SARDH: variants seen among roughly 807,000 people sequenced by gnomAD.
SARDH encodes the protein sarcosine dehydrogenase, mitochondrial.
A neutral mutation model predicts 109.1 loss-of-function variants in SARDH; 95 were observed. The ratio of observed to expected loss-of-function variants is 0.87; its 90% CI spans 0.74 to 1.03. SARDH has a LOEUF of 1.03. Among genes scored for constraint, SARDH ranks in the 50% least tolerant of loss-of-function variants. The probability of loss-of-function intolerance (pLI) is 0.00; values close to 1 mark genes in which losing one functional copy is unlikely to be tolerated. For missense variants in SARDH, 1,267 were observed against 1,287.8 expected, an observed-to-expected ratio of 0.98 and a Z score of 0.25; for synonymous variants, 572 against 534.8, an observed-to-expected ratio of 1.07 and a Z score of -0.96.
rs2131496510 is a variant in SARDH, at chr9:133,728,164, AAG to A, written c.915+1599_915+1600del. Among the ~76,000 whole-genome samples the A allele has an allele frequency of 6.6e-6, 1 of 152,294 alleles. No homozygotes were observed. The highest frequency in any genetic ancestry group is 2.1e-4 in the South Asian group (1 of 4,824). ...GCAGTGAGAGGCTCATTCTATGAAC[AAG>A]AGGTCTTGTGTCCAGTGGGGCGTGG... On this transcript the variant is annotated intron_variant, in intron 6 of 20. Coordinates refer to ENST00000439388, the MANE Select transcript of SARDH (RefSeq NM_001134707.2). The surrounding 1 kb of genome is among the most constrained non-coding windows in gnomAD (Gnocchi z 5.0).
At position 133,732,400 on chromosome 9, in the gene SARDH, GC is replaced by G. The variant is rs749929737; in HGVS notation, c.510+22del. The G allele has an allele frequency of 1.0e-5, 8 of 763,138 alleles. No individual in the cohort carries two copies. The Admixed American group carries it at 2.2e-4, about 21-fold the overall frequency. 47.3% of individuals were successfully genotyped at this position (763,138 alleles called of 1,614,324 possible). A position where few individuals can be genotyped will look rare whatever the true frequency, so the allele number is the denominator to read the frequency against. ...CCCACCCACCCAAGCCCCCCTCCTT[GC>G]CCCCCGCAGGGGAGCACACACCGAC... On this transcript the variant is annotated intron_variant, in intron 3 of 20. Coordinates refer to ENST00000439388, the MANE Select transcript of SARDH (RefSeq NM_001134707.2).
At position 133,690,395 on chromosome 9, in the gene SARDH, A is replaced by G. The variant is rs1831047765; in HGVS notation, c.2054T>C (p.Ile685Thr). The G allele has an allele frequency of 6.2e-7, 1 of 1,612,550 alleles. No homozygotes were observed. Among genetic ancestry groups the G allele is most frequent in the Non-Finnish European group, 8.5e-7 (1 of 1,179,540 alleles). The change falls in exon 16 of 21, where the codon ATC becomes ACC. Residue 685 changes from isoleucine to threonine, a missense_variant. Transcript: ENST00000439388. The part of the protein sequence containing the change: ...DSSEDLGMIS[I>T]QGPASRAILQ... ...CCTCTCTCACCTGGCTGGGCCCTGG[A>G]TACTGATCATACCCAGGTCCTCGGA...
At chr9:133,733,131 C>A (rs1377569317) in intron 2 of SARDH, among the ~76,000 whole-genome samples, 1 of 152,180 alleles carries the variant, frequency 6.6e-6, no homozygotes. Flanking sequence ...AGCTAGGGGG[C>A]CAGTGAGAAG....
rs116030553 is a variant in SARDH, at chr9:133,686,207, C to T, written c.2070-921G>A. Among the ~76,000 whole-genome samples the T allele has an allele frequency of 6.2e-3, 949 of 152,124 alleles. 14 individuals are homozygous for T. Among genetic ancestry groups the T allele is most frequent in the African/African-American group, 0.021 (888 of 41,488 alleles). On this transcript the variant is annotated intron_variant, in intron 16 of 20. Transcript: ENST00000439388. The surrounding 1 kb of genome is among the most constrained non-coding windows in gnomAD (Gnocchi z 4.0). The stretch of plus-strand genomic sequence containing the variant: ...GATTCGCTCCCCACTTTCCCTGCTC[C>T]GTGGTACCCAGCACCACATCTACTC...
intron 17 of SARDH, among the ~76,000 whole-genome samples, chr9:133,677,316 C>T (rs1014622114): frequency 5.9e-5 from 9 of 152,170 alleles, no homozygotes; most frequent in Non-Finnish European, 1.3e-4. Context: ...CGACAATGTT[C>T]TCAGACCCAG....
At chr9:133,696,408 G>A (rs1311947345) in intron 13 of SARDH, 47 bp from the exon 14 acceptor site, 2 of 1,612,766 alleles carry the variant, frequency 1.2e-6, no homozygotes, top group South Asian at 2.2e-5. Flanking sequence ...CCTTTGGGGT[G>A]TGCTTCTTCC....
rs1311582694 is a variant in SARDH, at chr9:133,717,359, T to C, written c.1117A>G (p.Lys373Glu). The C allele has an allele frequency of 1.2e-6, 2 of 1,613,888 alleles. No homozygotes were observed. Among genetic ancestry groups the C allele is most frequent in the Non-Finnish European group, 1.7e-6 (2 of 1,179,968 alleles). ...CAGACCGTGGACTTGATTCCTGTCT[T>C]CTCCAGCACGGGGACCCTGTTGATG... is the stretch of plus-strand genomic sequence containing the variant. ...GAINRVPVLEKTGIKSTVCGP... is the reference protein window; with the variant it reads ...GAINRVPVLEETGIKSTVCGP... Residue 373 changes from lysine to glutamate, a missense_variant, in exon 8 of 21, where the codon AAG becomes GAG. By Grantham distance (56) the Lys-to-Glu change is moderately conservative. Transcript: ENST00000439388.
chr9:133,670,656 A>G lies in SARDH; in HGVS notation c.2423T>C (p.Leu808Pro). 2 of 1,595,748 alleles carry G rather than the reference A, an allele frequency of 1.3e-6. No individual in the cohort carries two copies. Among genetic ancestry groups the G allele is most frequent in the Non-Finnish European group, 1.7e-6 (2 of 1,172,026 alleles). Residue 808 changes from leucine (L) to proline (P), a missense_variant, in exon 19 of 21, where the codon CTG (leucine) becomes CCG (proline). Transcript: ENST00000439388. Reference protein sequence around the residue: ...TCKLKSPVPFLGREALEQQRA... With the variant: ...TCKLKSPVPFPGREALEQQRA... ...CTGCTGCTCCAGGGCCTCCCTCCCC[A>G]GGAAGGGCACCGGCGACTTGAGCTT...
chr9:133,692,701 CCTT>C lies in SARDH; in HGVS notation c.1921+1554_1921+1556del, dbSNP rs1831142984. ...GGGGTCCCTGAAGCCCCACCGGCCT[CCTT>C]CACCTCCTCCCGACCCTGGCTACCT... On this transcript the variant is annotated intron_variant, in intron 15 of 20. Transcript: ENST00000439388. This position sits in a 1 kb window ranked among gnomAD's most constrained non-coding sequence, Gnocchi z 5.0. Among the ~76,000 whole-genome samples the C allele has an allele frequency of 6.6e-6, 1 of 152,118 alleles. No individual in the cohort carries two copies.
chr9:133,688,282 G>C (rs534036763), intron 16 of SARDH, among the ~76,000 whole-genome samples: 1 of 152,218 alleles, frequency 6.6e-6, no homozygotes, highest in African/African-American at 2.4e-5. Flanking sequence ...CGGCAGCTGC[G>C]GCCAGCACCC....
chr9:133,681,919 C>G (rs915908360), intron 17 of SARDH, among the ~76,000 whole-genome samples: 3 of 152,022 alleles, frequency 2.0e-5, no homozygotes, highest in Non-Finnish European at 2.9e-5. Context: ...CCCTCCCCCC[C>G]ATCCCACACG....
At chr9:133,699,540 C>T (rs1336289589) in intron 13 of SARDH, among the ~76,000 whole-genome samples, 2 of 152,016 alleles carry the variant, frequency 1.3e-5, no homozygotes, top group African/African-American at 4.8e-5. Context: ...AGACAAATAA[C>T]CCAATTTTAA....
chr9:133,723,597 C>G (rs767532733), intron 6 of SARDH, among the ~76,000 whole-genome samples: 14 of 152,040 alleles, frequency 9.2e-5, no homozygotes, highest in Non-Finnish European at 1.5e-4. Flanking sequence ...CCTGTCTCTA[C>G]TAAAAAATAC....
At chr9:133,705,994 A>G (rs1203525890) in intron 11 of SARDH, among the ~76,000 whole-genome samples, 2 of 152,204 alleles carry the variant, frequency 1.3e-5, no homozygotes, top group African/African-American at 4.8e-5. Context: ...TGGACCTCCC[A>G]GTCTCCAGAA....
intron 1 of SARDH, among the ~76,000 whole-genome samples, chr9:133,737,233 C>G (rs1832914070): frequency 6.6e-6 from 1 of 152,222 alleles, no homozygotes; most frequent in African/African-American, 2.4e-5. Flanking sequence ...TCAGGCTGGT[C>G]AGGGCTGCCC....
At chr9:133,674,676 C>T (rs894053083) in intron 17 of SARDH, among the ~76,000 whole-genome samples, 3 of 152,126 alleles carry the variant, frequency 2.0e-5, no homozygotes, top group Non-Finnish European at 4.4e-5. Context: ...TGGGAGGATC[C>T]GATAGCCACA....
intron 6 of SARDH, among the ~76,000 whole-genome samples, chr9:133,723,754 C>T (rs879699314): frequency 3.3e-5 from 5 of 152,132 alleles, no homozygotes; most frequent in Non-Finnish European, 5.9e-5. Context: ...AAGAGCGAGA[C>T]GCTGTCTCAA....
In SARDH at chr9:133,696,284, C is replaced by T; in HGVS notation, c.1746G>A (p.Val582=). 3.1e-6 allele frequency: 5 copies of T among 1,614,164 alleles called. No individual in the cohort carries two copies. Among genetic ancestry groups the T allele is most frequent in the Non-Finnish European group, 2.5e-6 (3 of 1,180,040 alleles). Reference sequence around the variant, plus strand: ...CGGCAGCCTTCCTTGCATCCAGCCCCACCAGGTAGAACTTCCCGAAGTAGG... The same window carrying T: ...CGGCAGCCTTCCTTGCATCCAGCCCTACCAGGTAGAACTTCCCGAAGTAGG... ...DMSYFGKFYL[V]GLDARKAADW... Residue 582 remains valine, a synonymous_variant, in exon 14 of 21, where the codon GTG becomes GTA. Coordinates refer to ENST00000439388, the MANE Select transcript of SARDH (RefSeq NM_001134707.2).
chr9:133,737,167 C>T (rs1028511401), intron 1 of SARDH, among the ~76,000 whole-genome samples: 1 of 152,240 alleles, frequency 6.6e-6, no homozygotes, highest in Non-Finnish European at 1.5e-5. Context: ...CAAGCCCTGA[C>T]GAAGCCCAGA....
Sources: allele counts gnomAD v4.1 joint callset (sites outside exome capture counted in the v4.1 genomes callset), GRCh38; gene constraint gnomAD v4.1.1; non-coding constraint Gnocchi (gnomAD v3.1); transcripts MANE v1.5; gene names NCBI Gene and HGNC (gene_info 2026-07-23, HGNC 2026-07-21).